Variants in VEPH1 observed in about 807,000 individuals in gnomAD.
VEPH1 encodes ventricular zone expressed PH domain containing 1, also known as ventricular zone-expressed PH domain-containing protein homolog 1.
VEPH1 carries 80 observed loss-of-function variants against 85.2 expected under a neutral mutation model. That is an observed-to-expected ratio of 0.94 (90% CI 0.78 to 1.13). The LOEUF is 1.13. VEPH1 is among the 50% of genes most tolerant of loss of function. VEPH1 has a pLI of 0.00. For synonymous variants in VEPH1, 297 were observed against 348.0 expected (o/e 0.85, Z 1.63); for missense variants, 955 against 980.5 (o/e 0.97, Z 0.35).
intron 2 of VEPH1, 58 bp from the exon 3 acceptor site, chr3:157,470,587 G>T: frequency 6.5e-7 from 1 of 1,542,008 alleles, no homozygotes; most frequent in Non-Finnish European, 9.0e-7. Context: ...TCCTTCAAAG[G>T]ACAAAATACT....
chr3:157,312,111 A>ACTCATTTGTATTATGAATTTGTTT (rs1720176942), intron 11 of VEPH1, among the ~76,000 whole-genome samples: 1 of 152,052 alleles, frequency 6.6e-6, no homozygotes, highest in African/African-American at 2.4e-5. Flanking sequence ...TTAATTTGCT[A>ACTCATTTGTATTATGAATTTGTTT]CTCATTTGTA....
At chr3:157,375,899 C>T (rs1450085878) in intron 7 of VEPH1, among the ~76,000 whole-genome samples, 1 of 152,108 alleles carries the variant, frequency 6.6e-6, no homozygotes, top group Non-Finnish European at 1.5e-5. Flanking sequence ...TGTAACTAAG[C>T]CAGAGGATTG....
chr3:157,388,501 C>T (rs1422405939), intron 6 of VEPH1, among the ~76,000 whole-genome samples: 1 of 152,088 alleles, frequency 6.6e-6, no homozygotes, highest in Non-Finnish European at 1.5e-5. Context: ...ATGGGCAAAT[C>T]AGGACAGTTG....
In VEPH1 at chr3:157,397,497, T is replaced by C. The variant is rs1028672266; in HGVS notation, c.907-16121A>G. On this transcript the variant is annotated intron_variant, in intron 6 of 13. Transcript: ENST00000362010. ...TAATGGTAGTTTAGTGGGAATAGCA[T>C]TGAATCTATAGGCAGTATGGCCATT... Among the ~76,000 whole-genome samples, 23 of 152,160 alleles carry C rather than the reference T, an allele frequency of 1.5e-4. 1 individual carries two copies. Among genetic ancestry groups the C allele is most frequent in the Non-Finnish European group, 3.4e-4 (23 of 68,010 alleles).
At chr3:157,354,084 A>T (rs182216465) in intron 9 of VEPH1, among the ~76,000 whole-genome samples, 1 of 152,272 alleles carries the variant, frequency 6.6e-6, no homozygotes, top group East Asian at 1.9e-4. Context: ...CTAGATGATA[A>T]TGTATCACTA....
intron 8 of VEPH1, 74 bp from the exon 9 acceptor site, chr3:157,363,835 T>C: frequency 6.6e-7 from 1 of 1,521,678 alleles, no homozygotes; most frequent in Non-Finnish European, 8.8e-7. Context: ...ATAATAATAA[T>C]ATTGGGACAA....
intron 7 of VEPH1, among the ~76,000 whole-genome samples, chr3:157,367,907 T>G (rs1021162918): frequency 1.3e-5 from 2 of 152,208 alleles, no homozygotes; most frequent in Non-Finnish European, 2.9e-5. Flanking sequence ...CTGGCTTATA[T>G]CAGTTACAAT....
At chr3:157,306,493 A>G (rs900989661) in intron 11 of VEPH1, among the ~76,000 whole-genome samples, 1 of 152,084 alleles carries the variant, frequency 6.6e-6, no homozygotes, top group Non-Finnish European at 1.5e-5. Flanking sequence ...TATAGGTCTA[A>G]TTAATTCACT....
At chr3:157,380,965 T>C in intron 7 of VEPH1, 191 bp downstream of exon 7, 1 of 605,462 alleles carries the variant, frequency 1.7e-6, no homozygotes, top group South Asian at 2.1e-5. Context: ...TTAAATTTAT[T>C]GTTTTGTTAC....
chr3:157,291,542 G>A (rs899556907), intron 11 of VEPH1, among the ~76,000 whole-genome samples: 3 of 152,186 alleles, frequency 2.0e-5, no homozygotes, highest in Admixed American at 1.3e-4. Context: ...CATGGATAAA[G>A]AGATGAAAGA....
At chr3:157,436,047 C>T (rs563339450) in intron 4 of VEPH1, among the ~76,000 whole-genome samples, 7 of 152,144 alleles carry the variant, frequency 4.6e-5, no homozygotes, top group African/African-American at 7.2e-5. Context: ...GAGGCGAAGG[C>T]GGGTGGATCG....
chr3:157,280,026 A>C (rs1480028964), intron 12 of VEPH1, among the ~76,000 whole-genome samples: 1 of 151,668 alleles, frequency 6.6e-6, no homozygotes, highest in African/African-American at 2.4e-5. Flanking sequence ...AAAAAAAAAA[A>C]AAAAAAAGGA....
At chr3:157,453,292 G>T (rs756252534) in intron 4 of VEPH1, among the ~76,000 whole-genome samples, 2 of 152,146 alleles carry the variant, frequency 1.3e-5, no homozygotes, top group African/African-American at 2.4e-5. Flanking sequence ...AGGAGGAGTT[G>T]TTGTTGCTCC....
chr3:157,406,159 T>C (rs973378134), intron 6 of VEPH1, among the ~76,000 whole-genome samples: 2 of 152,162 alleles, frequency 1.3e-5, no homozygotes, highest in Admixed American at 1.3e-4. Context: ...AGTTTTATAA[T>C]ATTAAGTAGC....
intron 4 of VEPH1, chr3:157,437,970 C>G (rs998362096): frequency 2.0e-6 from 3 of 1,506,912 alleles, no homozygotes; most frequent in African/African-American, 1.4e-5. Context: ...CGGGAGCGCG[C>G]GTAACGGCAA....
At chr3:157,438,073 CCCT>C (rs1560062157) in intron 4 of VEPH1, among the ~76,000 whole-genome samples, 1 of 136,752 alleles carries the variant, frequency 7.3e-6, no homozygotes, top group African/African-American at 2.6e-5. Flanking sequence ...ACACACACAC[CCCT>C]ATTTCTGCAT....
At chr3:157,429,806 G>A (rs572871722) in intron 4 of VEPH1, among the ~76,000 whole-genome samples, 1 of 152,230 alleles carries the variant, frequency 6.6e-6, no homozygotes, top group East Asian at 1.9e-4. Flanking sequence ...TAGTTATGAG[G>A]ACATACTGAT....
In VEPH1 at chr3:157,422,451, G is replaced by C. The variant is rs115770933; in HGVS notation, c.696+5871C>G. On this transcript the variant is annotated intron_variant, in intron 5 of 13. Coordinates refer to ENST00000362010, the MANE Select transcript of VEPH1 (RefSeq NM_001167912.2). ...CTATATAGTGCCTGGTATATGGTAT[G>C]AGCTCAGTCACTATTAGTGCCATTG... Among the ~76,000 whole-genome samples, 788 of 152,328 alleles carry C rather than the reference G, an allele frequency of 5.2e-3. 7 individuals carry two copies. The highest frequency in any genetic ancestry group is 0.018 in the African/African-American group (736 of 41,572).
chr3:157,333,602 T>C (rs2108612512), intron 9 of VEPH1, among the ~76,000 whole-genome samples: 1 of 152,332 alleles, frequency 6.6e-6, no homozygotes, highest in African/African-American at 2.4e-5. Flanking sequence ...AGAGCCACTT[T>C]GTGGTCACAC....
Sources: gnomAD v4.1 joint callset for allele counts (sites outside exome capture counted in the v4.1 genomes callset) on GRCh38, gnomAD v4.1.1 for gene constraint, MANE v1.5 for transcripts, NCBI Gene and HGNC (gene_info 2026-07-23, HGNC 2026-07-21) for gene names.